The following KIAA0825 variants were observed in gnomAD, a reference collection of about 807,000 sequenced individuals.
KIAA0825 encodes the protein uncharacterized protein KIAA0825.
Under a neutral mutation model 147.6 loss-of-function variants are expected in KIAA0825, and 119 were observed. The ratio of observed to expected loss-of-function variants is 0.81; its 90% CI spans 0.69 to 0.94. The LOEUF (loss-of-function observed/expected upper bound fraction) is 0.94. Among genes scored for constraint, KIAA0825 ranks in the 40% least tolerant of loss-of-function variants. KIAA0825 has a pLI of 0.00. For missense variants in KIAA0825, 1,381 were observed against 1,472.7 expected, an observed-to-expected ratio of 0.94 and a Z score of 1.02; for synonymous variants, 470 against 518.1, an observed-to-expected ratio of 0.91 and a Z score of 1.26.
chr5:94,269,192 G>T (rs114524070), intron 20 of KIAA0825, among the ~76,000 whole-genome samples: 1 of 152,062 alleles, frequency 6.6e-6, no homozygotes, highest in East Asian at 1.9e-4. Flanking sequence ...AATACATTAC[G>T]TTGTCATCAG....
At chr5:94,499,258 G>A (rs1245502582) in intron 5 of KIAA0825, among the ~76,000 whole-genome samples, 1 of 152,148 alleles carries the variant, frequency 6.6e-6, no homozygotes. Context: ...ACAAGGCCCA[G>A]GTTCTTTCTG....
At chr5:94,482,631 T>C (rs1235431830) in intron 6 of KIAA0825, among the ~76,000 whole-genome samples, 3 of 152,096 alleles carry the variant, frequency 2.0e-5, no homozygotes, top group South Asian at 2.1e-4. Flanking sequence ...TTGATAAGAA[T>C]TGATTAACTT....
At position 94,386,492 on chromosome 5, in the gene KIAA0825, T is replaced by C. The variant is rs947218119; in HGVS notation, c.3457-88A>G. The C allele has an allele frequency of 1.3e-5, 14 of 1,093,380 alleles. No homozygotes were observed. The East Asian group carries it at 3.6e-4, about 28-fold the overall frequency. The allele number at this position is 1,093,380 out of a possible 1,614,324, so 67.7% of individuals were successfully genotyped here. ...CTGATCAATATCCAAATTTATCCTTTCAGCACATTTGCTAGATTACAGTGT... is the reference window on the plus strand; with the variant it reads ...CTGATCAATATCCAAATTTATCCTTCCAGCACATTTGCTAGATTACAGTGT... On this transcript the variant is annotated intron_variant, in intron 18 of 20. Transcript: ENST00000682413.
chr5:94,426,394 C>T (rs1403115849), intron 14 of KIAA0825, among the ~76,000 whole-genome samples: 16 of 152,044 alleles, frequency 1.1e-4, no homozygotes, highest in Middle Eastern at 3.2e-3. Flanking sequence ...AATAAAATCA[C>T]GTCATTGGCT....
At position 94,564,384 on chromosome 5, in the gene KIAA0825, T is replaced by TTGTG. The variant is rs139331057; in HGVS notation, c.-2+18045_-2+18048dup. ...GAGCCACCATGCCTAATTTTTGAAT[T>TTGTG]TGTGTGTGTGTGTGTGTGTGTGATG... On this transcript the variant is annotated intron_variant, in intron 2 of 20. Coordinates refer to ENST00000682413, the MANE Select transcript of KIAA0825 (RefSeq NM_001145678.3). Among the ~76,000 whole-genome samples, 143 of 79,262 alleles carry TTGTG rather than the reference T, an allele frequency of 1.8e-3. 4 individuals carry two copies. The highest frequency in any genetic ancestry group is 3.2e-3 in the Non-Finnish European group (113 of 35,222). The allele number at this position is 79,262 out of a possible 152,430, so 52.0% of individuals were successfully genotyped here.
chr5:94,195,559 G>T (rs139898675), intron 20 of KIAA0825, among the ~76,000 whole-genome samples: 366 of 151,824 alleles, frequency 2.4e-3, no homozygotes, highest in African/African-American at 8.3e-3. Context: ...TTAAACACAT[G>T]CTCCCTGGCT....
chr5:94,549,549 T>G (rs1386713209), intron 2 of KIAA0825, among the ~76,000 whole-genome samples: 1 of 151,726 alleles, frequency 6.6e-6, no homozygotes, highest in Non-Finnish European at 1.5e-5. Flanking sequence ...CTATCTCTAC[T>G]AAAAAATACA....
chr5:94,517,142 GCTAA>G (rs999738913), intron 5 of KIAA0825, among the ~76,000 whole-genome samples: 1 of 152,086 alleles, frequency 6.6e-6, no homozygotes, highest in Non-Finnish European at 1.5e-5. Flanking sequence ...TATTTTTAAT[GCTAA>G]CTATCATACT....
chr5:94,510,125 A>G (rs1766280109), intron 5 of KIAA0825, among the ~76,000 whole-genome samples: 1 of 152,188 alleles, frequency 6.6e-6, no homozygotes. Flanking sequence ...CAATAATTAC[A>G]CTATGTTGTG....
chr5:94,528,763 C>T lies in KIAA0825; in HGVS notation c.132-4665G>A, dbSNP rs189046690. Among the ~76,000 whole-genome samples the T allele has an allele frequency of 2.4e-3, 363 of 150,986 alleles. 1 individual carries two copies. The highest frequency in any genetic ancestry group is 0.014 in the Middle Eastern group (4 of 290). On this transcript the variant is annotated intron_variant, in intron 3 of 20. Transcript: ENST00000682413. ...GAAGGACATAGTTTAATACCCATTA[C>T]AATCAAGAATAAGTAAATGTGCTCC...
chr5:94,522,291 G>A (rs116038922), intron 4 of KIAA0825, among the ~76,000 whole-genome samples: 1 of 151,644 alleles, frequency 6.6e-6, no homozygotes, highest in African/African-American at 2.4e-5. Flanking sequence ...CCTCTGTGTA[G>A]CTTCTTTCTC....
At chr5:94,245,548 T>C (rs1353133542) in intron 20 of KIAA0825, among the ~76,000 whole-genome samples, 1 of 152,168 alleles carries the variant, frequency 6.6e-6, no homozygotes, top group Non-Finnish European at 1.5e-5. Context: ...TTTATTTCCT[T>C]CTTAGCAGTC....
chr5:94,393,463 A>C (rs140013197), intron 17 of KIAA0825, among the ~76,000 whole-genome samples: 21 of 152,364 alleles, frequency 1.4e-4, no homozygotes, highest in African/African-American at 5.1e-4. Context: ...TATGCAAGAC[A>C]GGCAACACTT....
chr5:94,482,109 A>C (rs1762558157), intron 6 of KIAA0825, among the ~76,000 whole-genome samples: 1 of 152,100 alleles, frequency 6.6e-6, no homozygotes, highest in African/African-American at 2.4e-5. Flanking sequence ...TCGAATCATG[A>C]CCAAACAAAA....
intron 18 of KIAA0825, among the ~76,000 whole-genome samples, chr5:94,388,585 T>C (rs1584344388): frequency 1.3e-5 from 2 of 152,362 alleles, no homozygotes; most frequent in African/African-American, 4.8e-5. Context: ...TTTTGGCTAA[T>C]AACAATCTGT....
intron 20 of KIAA0825, among the ~76,000 whole-genome samples, chr5:94,204,719 G>C (rs1771994976): frequency 6.6e-6 from 1 of 152,062 alleles, no homozygotes; most frequent in Non-Finnish European, 1.5e-5. Context: ...TCATTTTTCT[G>C]GGTATTTAAA....
intron 14 of KIAA0825, among the ~76,000 whole-genome samples, chr5:94,421,460 C>G (rs1754176660): frequency 6.6e-6 from 1 of 152,166 alleles, no homozygotes; most frequent in Non-Finnish European, 1.5e-5. Context: ...TTGCTGTGTT[C>G]CCTAGTTCTG....
chr5:94,544,488 C>A (rs1773946348), intron 2 of KIAA0825, among the ~76,000 whole-genome samples: 1 of 152,152 alleles, frequency 6.6e-6, no homozygotes, highest in Non-Finnish European at 1.5e-5. Flanking sequence ...ACCATAGCAA[C>A]TTCCTCTTTT....
chr5:94,215,568 A>C (rs1240243371), intron 20 of KIAA0825, among the ~76,000 whole-genome samples: 3 of 152,166 alleles, frequency 2.0e-5, no homozygotes, highest in Non-Finnish European at 4.4e-5. Context: ...AGATTGAGGA[A>C]TAGAAGTCTG....
Sources: allele counts gnomAD v4.1 joint callset (sites outside exome capture counted in the v4.1 genomes callset), GRCh38; gene constraint gnomAD v4.1.1; transcripts MANE v1.5; gene names NCBI Gene and HGNC (gene_info 2026-07-23, HGNC 2026-07-21).